TMEM181: variants seen among roughly 807,000 people sequenced by gnomAD.
TMEM181 encodes the protein transmembrane protein 181, also known as G protein-coupled receptor 178.
Under a neutral mutation model 71.9 loss-of-function variants are expected in TMEM181, and 39 were observed. That is an observed-to-expected ratio of 0.54 (90% confidence interval 0.42 to 0.71). TMEM181 has a LOEUF of 0.71. Ranked by LOEUF, TMEM181 falls within the 30% of genes least tolerant of loss-of-function variation. The probability of loss-of-function intolerance (pLI) is 0.00; values close to 1 mark genes in which losing one functional copy is unlikely to be tolerated. For missense variants in TMEM181, 595 were observed against 583.0 expected (o/e 1.02, Z -0.21); for synonymous variants, 245 against 228.8 (o/e 1.07, Z -0.64).
In TMEM181 at chr6:158,583,944, T is replaced by C; in HGVS notation, c.169-10T>C. On this transcript the variant is annotated splice_polypyrimidine_tract_variant and intron_variant, in intron 3 of 16. Coordinates refer to ENST00000684151, the MANE Select transcript of TMEM181 (RefSeq NM_001376852.1). Reference sequence around the variant, plus strand: ...AGGTCACATGGATTACTTTGTTTTTTTTTCTTCAGCTAAAGCCAATTCAAA... The same window carrying C: ...AGGTCACATGGATTACTTTGTTTTTCTTTCTTCAGCTAAAGCCAATTCAAA... 6.3e-7 allele frequency: 1 copy of C among 1,588,864 alleles called. No individual in the cohort carries two copies. Among genetic ancestry groups the C allele is most frequent in the East Asian group, 2.3e-5 (1 of 44,420 alleles).
chr6:158,614,928 A>T lies in TMEM181; in HGVS notation c.896+6178A>T, dbSNP rs1785534360. Among the ~76,000 whole-genome samples the T allele has an allele frequency of 2.0e-5, 3 of 152,188 alleles. No individual in the cohort carries two copies. In the South Asian group the frequency reaches 6.2e-4, roughly 32 times the overall value. On this transcript the variant is annotated intron_variant, in intron 10 of 16. Coordinates refer to ENST00000684151, the MANE Select transcript of TMEM181 (RefSeq NM_001376852.1). ...TTGGTTCCAAGTCTTTGCTGTTGGG[A>T]ATAGTGCTGCAATAAACATACGTGT... is the stretch of plus-strand genomic sequence containing the variant.
chr6:158,561,136 C>T (rs769777310), intron 1 of TMEM181, among the ~76,000 whole-genome samples: 4 of 152,166 alleles, frequency 2.6e-5, no homozygotes, highest in Non-Finnish European at 4.4e-5. Context: ...GTTTTTGAGG[C>T]AGAAGGGTTT....
At position 158,560,105 on chromosome 6, in the gene TMEM181, C is replaced by A; in HGVS notation, c.-120C>A. 1 of 985,022 alleles carries A rather than the reference C, an allele frequency of 1.0e-6. No homozygotes were observed. The highest frequency in any genetic ancestry group is 1.2e-6 in the Non-Finnish European group (1 of 829,782). The allele number at this position is 985,022 out of a possible 1,614,324, so 61.0% of individuals were successfully genotyped here. ...CGCGCTCTGATGAGTTTTCCGCGGC[C>A]GGCCGCTGCTCAGCCGCTGTCGCTC... On this transcript the variant is annotated 5_prime_UTR_variant, in exon 1 of 17. Coordinates refer to ENST00000684151, the MANE Select transcript of TMEM181 (RefSeq NM_001376852.1).
intron 1 of TMEM181, among the ~76,000 whole-genome samples, chr6:158,561,242 A>T (rs548708076): frequency 2.8e-4 from 42 of 152,142 alleles, no homozygotes; most frequent in Non-Finnish European, 6.0e-4. Context: ...TGACAGAGAG[A>T]TCTGTTTTTC....
chr6:158,619,466 T>C (rs1398999357), intron 10 of TMEM181, among the ~76,000 whole-genome samples: 2 of 152,176 alleles, frequency 1.3e-5, no homozygotes, highest in African/African-American at 2.4e-5. Flanking sequence ...GAGAAGTTGG[T>C]TATTACCGAT....
intron 1 of TMEM181, among the ~76,000 whole-genome samples, chr6:158,543,555 G>A (rs1781426474): frequency 6.6e-6 from 1 of 152,222 alleles, no homozygotes; most frequent in Admixed American, 6.5e-5. Flanking sequence ...CTCCTCCTGA[G>A]GGACATTCTG....
chr6:158,539,142 C>T (rs1418168085), intron 1 of TMEM181, among the ~76,000 whole-genome samples: 1 of 152,194 alleles, frequency 6.6e-6, no homozygotes, highest in Non-Finnish European at 1.5e-5. Flanking sequence ...AGCTTGAAGA[C>T]AGATTCACAG....
At chr6:158,625,826 C>T (rs1786245460) in intron 13 of TMEM181, 72 bp downstream of exon 13, 4 of 1,368,064 alleles carry the variant, frequency 2.9e-6, no homozygotes, top group Admixed American at 1.9e-5. Flanking sequence ...TCTGTTGCCT[C>T]CTTTTGTGGA....
intron 13 of TMEM181, among the ~76,000 whole-genome samples, chr6:158,627,719 C>T (rs1472457927): frequency 4.6e-5 from 7 of 152,218 alleles, no homozygotes; most frequent in Non-Finnish European, 1.5e-5. Context: ...GGAGGCAGAG[C>T]GAGCTCTTGA....
At chr6:158,571,131 C>T (rs529167286) in intron 1 of TMEM181, among the ~76,000 whole-genome samples, 2 of 151,134 alleles carry the variant, frequency 1.3e-5, no homozygotes, top group South Asian at 4.2e-4. Flanking sequence ...GAGTCTCGTT[C>T]TGTTGCCCAG....
chr6:158,597,852 C>A (rs1020611408), intron 6 of TMEM181, among the ~76,000 whole-genome samples: 1 of 152,204 alleles, frequency 6.6e-6, no homozygotes. Flanking sequence ...GGGGCAGAGT[C>A]CTTATGACTT....
Position 158,628,658 on chromosome 6 carries a change from G to A in TMEM181, c.1192+168G>A, listed in dbSNP as rs192722600. On this transcript the variant is annotated intron_variant, in intron 14 of 16. Transcript: ENST00000684151. ...TGTCTCAGTTGGCCCCGCTGCAGCCGTGGGAAGGGGCAGCCTGTCCCTCCT... is the reference window on the plus strand; with the variant it reads ...TGTCTCAGTTGGCCCCGCTGCAGCCATGGGAAGGGGCAGCCTGTCCCTCCT... Among the ~76,000 whole-genome samples, 8 of 152,342 alleles carry A rather than the reference G, an allele frequency of 5.3e-5. No individual in the cohort carries two copies. The East Asian group carries it at 5.8e-4, about 11-fold the overall frequency.
chr6:158,626,127 A>G (rs113628033), intron 13 of TMEM181, among the ~76,000 whole-genome samples: 33 of 152,326 alleles, frequency 2.2e-4, no homozygotes, highest in African/African-American at 7.0e-4. Context: ...TAGGACAGCA[A>G]ACACCCTTGA....
intron 2 of TMEM181, among the ~76,000 whole-genome samples, chr6:158,580,302 C>T (rs1465196254): frequency 6.6e-6 from 1 of 152,022 alleles, no homozygotes; most frequent in Non-Finnish European, 1.5e-5. Context: ...TGCACTCCAG[C>T]CTGGGCAACA....
intron 10 of TMEM181, among the ~76,000 whole-genome samples, chr6:158,622,268 GCTCT>G (rs546552555): frequency 3.9e-4 from 59 of 152,324 alleles, no homozygotes; most frequent in South Asian, 8.3e-4. Flanking sequence ...TGTGTGACGT[GCTCT>G]CTCTTTTTCA....
chr6:158,560,447 C>T (rs1016958927), intron 1 of TMEM181, among the ~76,000 whole-genome samples: 6 of 152,150 alleles, frequency 3.9e-5, no homozygotes, highest in Admixed American at 1.3e-4. Flanking sequence ...TCCCTCCTGC[C>T]TGCCCGCCCG....
At chr6:158,608,307 A>T (rs750872245) in intron 8 of TMEM181, 26 bp from the exon 9 acceptor site, 2 of 1,613,784 alleles carry the variant, frequency 1.2e-6, no homozygotes, top group Non-Finnish European at 1.7e-6. Flanking sequence ...TGTTTTCCAC[A>T]TGGATTTCTG....
chr6:158,593,544 C>A (rs532084736), intron 6 of TMEM181, among the ~76,000 whole-genome samples: 1 of 152,182 alleles, frequency 6.6e-6, no homozygotes, highest in Non-Finnish European at 1.5e-5. Context: ...TGCTGGCAAG[C>A]CCTGCATGCT....
intron 10 of TMEM181, among the ~76,000 whole-genome samples, chr6:158,617,061 G>A (rs149829684): frequency 1.3e-5 from 2 of 152,212 alleles, no homozygotes; most frequent in African/African-American, 2.4e-5. Context: ...AAGAATAATA[G>A]CAACTCCTCC....
Sources: gnomAD v4.1 joint callset for allele counts (sites outside exome capture counted in the v4.1 genomes callset) on GRCh38, gnomAD v4.1.1 for gene constraint, MANE v1.5 for transcripts, NCBI Gene and HGNC (gene_info 2026-07-23, HGNC 2026-07-21) for gene names.